Variants in STYXL2 observed in about 807,000 individuals in gnomAD.
The protein encoded by STYXL2 is serine/threonine/tyrosine-interacting-like protein 2.
A neutral mutation model predicts 52.4 loss-of-function variants in STYXL2; 44 were observed. That is an observed-to-expected ratio of 0.84 (90% CI 0.66 to 1.08). The LOEUF (loss-of-function observed/expected upper bound fraction) is 1.08. STYXL2 is among the 50% of genes least tolerant of loss of function. The pLI, the probability that STYXL2 is intolerant of heterozygous loss-of-function variation, is 0.00. For missense variants in STYXL2, 1,604 were observed against 1,471.7 expected (o/e 1.09, Z -1.47); for synonymous variants, 604 against 586.9 (o/e 1.03, Z -0.42).
chr1:167,103,082 TA>T (rs141317161), intron 2 of STYXL2, among the ~76,000 whole-genome samples: 25,918 of 152,022 alleles, frequency 0.17, 2,442 homozygotes, highest in Middle Eastern at 0.23. Flanking sequence ...TTCTGTTGGC[TA>T]CGGGCGTTTC....
chr1:167,110,329 C>A (rs1475295196), intron 2 of STYXL2, among the ~76,000 whole-genome samples: 1 of 152,132 alleles, frequency 6.6e-6, no homozygotes, highest in Non-Finnish European at 1.5e-5. Flanking sequence ...TTAACACCCC[C>A]AAAAGATCAC....
intron 5 of STYXL2, among the ~76,000 whole-genome samples, chr1:167,123,875 C>T (rs537056496): frequency 4.0e-4 from 61 of 152,254 alleles, no homozygotes; most frequent in South Asian, 1.9e-3. Context: ...CCACCCACCT[C>T]GGCCTCCCAA....
At chr1:167,096,328 A>G (rs34649690) in intron 2 of STYXL2, among the ~76,000 whole-genome samples, 7,339 of 152,310 alleles carry the variant, frequency 0.048, 214 homozygotes, top group African/African-American at 0.073. Context: ...GAGATTTAAC[A>G]TAGGTCCTCC....
At position 167,128,312 on chromosome 1, in the gene STYXL2, A is replaced by T. The variant is rs1031230930; in HGVS notation, c.3181A>T (p.Asn1061Tyr). Residue 1061 changes from asparagine (N) to tyrosine (Y), a missense_variant, in exon 6 of 6, where the codon AAT becomes TAT. Transcript: ENST00000361200. Reference sequence around the variant, plus strand: ...AGAGTCCCCAGAACCACAGCGCCCAAATTGGGCCAGGTCCAGGGACTGGGA... The same window carrying T: ...AGAGTCCCCAGAACCACAGCGCCCATATTGGGCCAGGTCCAGGGACTGGGA... ...REESPEPQRP[N>Y]WARSRDWEDV... The T allele has an allele frequency of 3.1e-6, 5 of 1,613,842 alleles. No individual in the cohort carries two copies. The African/African-American group carries it at 5.3e-5, about 17-fold the overall frequency.
At chr1:167,096,025 C>T (rs760511841) in intron 2 of STYXL2, among the ~76,000 whole-genome samples, 14 of 151,824 alleles carry the variant, frequency 9.2e-5, no homozygotes, top group African/African-American at 1.7e-4. Flanking sequence ...GTTGGGAGGC[C>T]GAGGTGGGAG....
chr1:167,117,596 C>T, intron 4 of STYXL2, 37 bp downstream of exon 4: 1 of 1,540,626 alleles, frequency 6.5e-7, no homozygotes, highest in Non-Finnish European at 8.8e-7. Flanking sequence ...TTTGTCCTAA[C>T]CCTCTGGTTA....
chr1:167,109,602 C>T (rs370334127), intron 2 of STYXL2, among the ~76,000 whole-genome samples: 1 of 152,118 alleles, frequency 6.6e-6, no homozygotes, highest in Non-Finnish European at 1.5e-5. Context: ...GCCCTGGTAG[C>T]CAAAGACAAA....
Position 167,128,357 on chromosome 1 carries a change from A to G in STYXL2, c.3226A>G (p.Lys1076Glu). The G allele has an allele frequency of 1.2e-6, 2 of 1,614,128 alleles. No homozygotes were observed. The highest frequency in any genetic ancestry group is 1.7e-6 in the Non-Finnish European group (2 of 1,180,008). The part of the protein sequence containing the change: ...RDWEDVEESS[K>E]SDFSEFGAKR... ...CTGGGAAGATGTGGAAGAGTCATCC[A>G]AGTCAGACTTCTCTGAATTTGGAGC... Residue 1076 changes from lysine to glutamate, a missense_variant, in exon 6 of 6, where the codon AAG becomes GAG. By Grantham distance (56) the Lys-to-Glu change is moderately conservative (BLOSUM62 1). Transcript: ENST00000361200.
intron 5 of STYXL2, 98 bp from the exon 6 acceptor site, chr1:167,125,689 G>A: frequency 6.9e-7 from 1 of 1,450,084 alleles, no homozygotes; most frequent in Non-Finnish European, 9.0e-7. Context: ...CTTAAGTGCA[G>A]CATATTAAAA....
At chr1:167,109,768 C>T (rs907124836) in intron 2 of STYXL2, among the ~76,000 whole-genome samples, 1 of 152,164 alleles carries the variant, frequency 6.6e-6, no homozygotes, top group African/African-American at 2.4e-5. Flanking sequence ...TCAACCAGCT[C>T]AAGCCATTAC....
chr1:167,122,367 C>T (rs1165973413), intron 5 of STYXL2, among the ~76,000 whole-genome samples: 2 of 152,136 alleles, frequency 1.3e-5, no homozygotes, highest in Non-Finnish European at 2.9e-5. Context: ...ATCCACAGGC[C>T]TGACATTAAA....
chr1:167,119,868 C>T (rs984211813), intron 5 of STYXL2, among the ~76,000 whole-genome samples: 2 of 152,160 alleles, frequency 1.3e-5, no homozygotes, highest in Non-Finnish European at 2.9e-5. Flanking sequence ...GACAATGGGA[C>T]ATTTAAGCCA....
Position 167,127,546 on chromosome 1 carries a change from G to C in STYXL2, c.2415G>C (p.Leu805=), listed in dbSNP as rs747426096. ...CTGTGCTGTCCTGCAACACCACACT[G>C]AGCTCACCCGCGGAAAGTTGCAGAA... ...MQSVLSCNTT[L]SSPAESCRSK... The change falls in exon 6 of 6, where the codon CTG becomes CTC. Residue 805 remains leucine (L), a synonymous_variant. Transcript: ENST00000361200. 6.2e-7 allele frequency: 1 copy of C among 1,614,084 alleles called. No homozygotes were observed. The highest frequency in any genetic ancestry group is 8.5e-7 in the Non-Finnish European group (1 of 1,180,008).
chr1:167,097,999 C>T (rs909064637), intron 2 of STYXL2, among the ~76,000 whole-genome samples: 4 of 129,384 alleles, frequency 3.1e-5, no homozygotes, highest in Non-Finnish European at 4.9e-5. Context: ...CCTGTCTCTA[C>T]AAACTTTTTT....
intron 5 of STYXL2, among the ~76,000 whole-genome samples, chr1:167,122,925 C>T (rs1667889051): frequency 6.6e-6 from 1 of 152,168 alleles, no homozygotes. Flanking sequence ...CTCGGCCTCC[C>T]AGGGTACTGA....
chr1:167,124,207 G>A (rs964631087), intron 5 of STYXL2, among the ~76,000 whole-genome samples: 1 of 152,118 alleles, frequency 6.6e-6, no homozygotes, highest in Non-Finnish European at 1.5e-5. Flanking sequence ...ACCACACCCT[G>A]GCCTGTGGCT....
At chr1:167,098,706 G>A (rs1227388382) in intron 2 of STYXL2, among the ~76,000 whole-genome samples, 1 of 152,084 alleles carries the variant, frequency 6.6e-6, no homozygotes, top group African/African-American at 2.4e-5. Context: ...TAAGGCTGAG[G>A]GTGACTCACA....
At position 167,125,823 on chromosome 1, in the gene STYXL2, G is replaced by A. The variant is rs369777179; in HGVS notation, c.692G>A (p.Arg231Gln). The A allele has an allele frequency of 1.3e-5, 21 of 1,610,052 alleles. No individual in the cohort carries two copies. The highest frequency in any genetic ancestry group is 5.4e-5 in the African/African-American group (4 of 74,588). The change falls in exon 6 of 6, where the codon CGG becomes CAG. Residue 231 changes from arginine to glutamine, a missense_variant. By Grantham distance (43) the Arg-to-Gln change is conservative. Transcript: ENST00000361200. ...GTCAGCAGCGAAATGGGCATCAGCCGGTCAGCAGTGCTGGTGGTCGCCTAC... is the reference window on the plus strand; with the variant it reads ...GTCAGCAGCGAAATGGGCATCAGCCAGTCAGCAGTGCTGGTGGTCGCCTAC... ...VLVSSEMGISRSAVLVVAYLM... is the reference protein window; with the variant it reads ...VLVSSEMGISQSAVLVVAYLM...
intron 2 of STYXL2, among the ~76,000 whole-genome samples, chr1:167,105,151 TTTCC>T (rs543945873): frequency 6.6e-6 from 1 of 151,578 alleles, no homozygotes; most frequent in Non-Finnish European, 1.5e-5. Flanking sequence ...TCCTTCCTTC[TTTCC>T]TTCCTTCCTT....
Sources: gnomAD v4.1 joint callset for allele counts (sites outside exome capture counted in the v4.1 genomes callset) on GRCh38, gnomAD v4.1.1 for gene constraint, MANE v1.5 for transcripts, NCBI Gene and HGNC (gene_info 2026-07-23, HGNC 2026-07-21) for gene names.